Variants in ATP8B4 observed in about 807,000 individuals in gnomAD.
ATP8B4 encodes probable phospholipid-transporting ATPase IM.
Under a neutral mutation model 145.6 loss-of-function variants are expected in ATP8B4, and 133 were observed. The ratio of observed to expected loss-of-function variants is 0.91; its 90% CI spans 0.79 to 1.05. The LOEUF is 1.05. ATP8B4 is among the 50% of genes least tolerant of loss of function. The pLI is 0.00. For missense variants in ATP8B4, 1,458 were observed against 1,425.2 expected, an observed-to-expected ratio of 1.02 and a Z score of -0.37; for synonymous variants, 507 against 492.9, an observed-to-expected ratio of 1.03 and a Z score of -0.38.
intron 14 of ATP8B4, among the ~76,000 whole-genome samples, chr15:49,953,859 G>A (rs996880008): frequency 6.6e-6 from 1 of 152,178 alleles, no homozygotes; most frequent in African/African-American, 2.4e-5. Flanking sequence ...ACAGTTCTGT[G>A]GAAAAAGCAC....
rs200334129 is a variant in ATP8B4 at position 49,873,095 on chromosome 15, CA to C, written c.3027+3182del. Among the ~76,000 whole-genome samples the C allele has an allele frequency of 4.5e-4, 69 of 152,224 alleles. 1 individual carries two copies. The East Asian group carries it at 0.013, about 29-fold the overall frequency. ...GATGTATTCATTATTTCCCAAGCAA[CA>C]AAAGGTTATCCATTTTTTAATTATA... On this transcript the variant is annotated intron_variant, in intron 25 of 27. Transcript: ENST00000284509.
chr15:49,865,064 C>A (rs7172553), intron 26 of ATP8B4, among the ~76,000 whole-genome samples: 1 of 152,088 alleles, frequency 6.6e-6, no homozygotes, highest in East Asian at 1.9e-4. Flanking sequence ...ATGGGGGCTG[C>A]TCATCAGAAA....
intron 1 of ATP8B4, among the ~76,000 whole-genome samples, chr15:50,160,936 T>C (rs2044509020): frequency 6.6e-6 from 1 of 152,164 alleles, no homozygotes; most frequent in Non-Finnish European, 1.5e-5. Flanking sequence ...GATTTTTCTG[T>C]CTGGATTAAC....
intron 2 of ATP8B4, among the ~76,000 whole-genome samples, chr15:50,081,903 G>A (rs944180660): frequency 1.3e-5 from 2 of 152,170 alleles, no homozygotes; most frequent in Non-Finnish European, 2.9e-5. Flanking sequence ...AAGCACCATG[G>A]AGCATTCGGG....
chr15:50,042,542 T>A (rs2051379100), intron 5 of ATP8B4, among the ~76,000 whole-genome samples: 1 of 152,204 alleles, frequency 6.6e-6, no homozygotes, highest in East Asian at 1.9e-4. Flanking sequence ...GAAGTTCATC[T>A]TCCCCCCTTA....
intron 6 of ATP8B4, among the ~76,000 whole-genome samples, chr15:50,035,819 A>C (rs10851486): frequency 0.64 from 96,874 of 151,898 alleles, 31,292 homozygotes; most frequent in East Asian, 0.94. Flanking sequence ...TCCAAAGCTG[A>C]CTATACCCTG....
intron 25 of ATP8B4, among the ~76,000 whole-genome samples, chr15:49,871,719 G>C (rs1185351225): frequency 6.6e-6 from 1 of 152,198 alleles, no homozygotes; most frequent in East Asian, 1.9e-4. Context: ...GTTTCCGTTA[G>C]GAATGCAGTG....
intron 12 of ATP8B4, among the ~76,000 whole-genome samples, chr15:49,973,475 G>T (rs983187172): frequency 6.6e-5 from 10 of 152,168 alleles, no homozygotes; most frequent in African/African-American, 2.4e-4. Context: ...ATTGTTTGAT[G>T]TGGCTTCACT....
chr15:50,038,618 T>C (rs986310503), intron 6 of ATP8B4, 150 bp downstream of exon 6: 3 of 626,930 alleles, frequency 4.8e-6, no homozygotes, highest in Non-Finnish European at 8.3e-6. Context: ...AAGAGAGCCA[T>C]GAAGATAAAA....
At chr15:50,169,301 G>C (rs1330177675) in intron 1 of ATP8B4, among the ~76,000 whole-genome samples, 1 of 152,180 alleles carries the variant, frequency 6.6e-6, no homozygotes, top group Non-Finnish European at 1.5e-5. Context: ...ACCTCCACTA[G>C]AACAGGTGCT....
At chr15:50,120,611 ATG>A (rs1161247702), upstream of ATP8B4, among the ~76,000 whole-genome samples, 3 of 152,186 alleles carry the variant, frequency 2.0e-5, no homozygotes, top group Non-Finnish European at 2.9e-5. Context: ...TGAAATGTGT[ATG>A]TGTTTTTATT....
At chr15:50,022,684 A>C (rs1019363624) in intron 6 of ATP8B4, among the ~76,000 whole-genome samples, 9 of 152,066 alleles carry the variant, frequency 5.9e-5, no homozygotes, top group Non-Finnish European at 1.3e-4. Context: ...AGAGTGCCCC[A>C]AAAAATCCTC....
chr15:49,937,606 A>C lies in ATP8B4; in HGVS notation c.1288-3424T>G, dbSNP rs577453543. Among the ~76,000 whole-genome samples, 379 of 152,300 alleles carry C rather than the reference A, an allele frequency of 2.5e-3. 4 individuals carry two copies. Among genetic ancestry groups the C allele is most frequent in the African/African-American group, 8.8e-3 (366 of 41,564 alleles). ...ATAGGGATTCAGAAATGAACAAAAC[A>C]AAAATCTCTAGCCTCATGGATCTTA... is the stretch of plus-strand genomic sequence containing the variant. On this transcript the variant is annotated intron_variant, in intron 14 of 27. Coordinates refer to ENST00000284509, the MANE Select transcript of ATP8B4 (RefSeq NM_024837.4).
At chr15:50,107,067 C>A (rs2056721001) in intron 1 of ATP8B4, 59 bp from the exon 2 acceptor site, 1 of 1,138,582 alleles carries the variant, frequency 8.8e-7, no homozygotes, top group Non-Finnish European at 1.2e-6. Context: ...TATAAATTTA[C>A]CTCCTTTAAC....
intron 23 of ATP8B4, among the ~76,000 whole-genome samples, chr15:49,884,929 C>T (rs2035993101): frequency 6.6e-6 from 1 of 152,310 alleles, no homozygotes; most frequent in Non-Finnish European, 1.5e-5. Flanking sequence ...CATCCCAAAA[C>T]CACCCCCACT....
intron 3 of ATP8B4, among the ~76,000 whole-genome samples, chr15:50,056,382 A>C (rs1218202487): frequency 2.0e-5 from 3 of 152,190 alleles, no homozygotes; most frequent in African/African-American, 7.2e-5. Context: ...ATAAACTTGT[A>C]AACTGATGAC....
At chr15:50,052,959 T>G (rs1041156138) in intron 3 of ATP8B4, among the ~76,000 whole-genome samples, 8 of 152,252 alleles carry the variant, frequency 5.3e-5, no homozygotes, top group African/African-American at 1.9e-4. Flanking sequence ...TATTTTAAAA[T>G]ATCACCCTAG....
intron 1 of ATP8B4, among the ~76,000 whole-genome samples, chr15:50,108,975 A>G (rs951976927): frequency 2.0e-5 from 3 of 152,124 alleles, no homozygotes; most frequent in Non-Finnish European, 2.9e-5. Context: ...GCTAAAAGAC[A>G]CTTTCCTTTT....
At chr15:50,042,270 A>C (rs1053249508) in intron 5 of ATP8B4, among the ~76,000 whole-genome samples, 1 of 152,224 alleles carries the variant, frequency 6.6e-6, no homozygotes, top group Non-Finnish European at 1.5e-5. Context: ...TTCTTTAAAA[A>C]ATGATATATG....
Sources: allele counts gnomAD v4.1 joint callset (sites outside exome capture counted in the v4.1 genomes callset), GRCh38; gene constraint gnomAD v4.1.1; transcripts MANE v1.5; gene names NCBI Gene and HGNC (gene_info 2026-07-23, HGNC 2026-07-21).